The following ZMAT4 variants were observed in gnomAD, a reference collection of about 807,000 sequenced individuals.
ZMAT4 encodes the protein zinc finger matrin-type 4.
ZMAT4 carries 17 observed loss-of-function variants against 28.7 expected under a neutral mutation model. That is an observed-to-expected ratio of 0.59 (90% CI 0.41 to 0.89). The LOEUF (loss-of-function observed/expected upper bound fraction) is 0.89. Among genes scored for constraint, ZMAT4 ranks in the 40% least tolerant of loss-of-function variants. The pLI, the probability that ZMAT4 is intolerant of heterozygous loss-of-function variation, is 0.00. For synonymous variants in ZMAT4, 117 were observed against 109.2 expected, an observed-to-expected ratio of 1.07 and a Z score of -0.44; for missense variants, 240 against 283.8, an observed-to-expected ratio of 0.85 and a Z score of 1.11.
intron 2 of ZMAT4, among the ~76,000 whole-genome samples, chr8:40,778,286 T>C (rs11782131): frequency 0.59 from 89,137 of 152,070 alleles, 27,238 homozygotes; most frequent in Middle Eastern, 0.72. Flanking sequence ...AAAAAATACT[T>C]CTAGGAATAC....
rs149997187 is a variant in ZMAT4, at chr8:40,730,198, C to T, written c.193-32797G>A. Among the ~76,000 whole-genome samples, 31 of 152,232 alleles carry T rather than the reference C, an allele frequency of 2.0e-4. No homozygotes were observed. The East Asian group carries it at 5.8e-3, about 29-fold the overall frequency. ...TTTTTACAGTAAAATTTTTCCCAGT[C>T]CCTTTAAATGTTGGCACCCTAAAAA... is the stretch of plus-strand genomic sequence containing the variant. On this transcript the variant is annotated intron_variant, in intron 3 of 6. Transcript: ENST00000297737.
intron 2 of ZMAT4, among the ~76,000 whole-genome samples, chr8:40,782,380 G>T (rs372988497): frequency 6.6e-6 from 1 of 151,642 alleles, no homozygotes; most frequent in African/African-American, 2.4e-5. Flanking sequence ...GCAAGACTCC[G>T]TCTCGAAAAC....
intron 2 of ZMAT4, among the ~76,000 whole-genome samples, chr8:40,776,934 T>C (rs1813621406): frequency 6.6e-6 from 1 of 152,048 alleles, no homozygotes; most frequent in Non-Finnish European, 1.5e-5. Flanking sequence ...TCTTTTTTTT[T>C]TTTTTGTAAA....
intron 5 of ZMAT4, among the ~76,000 whole-genome samples, chr8:40,630,660 CA>C (rs1171531037): frequency 3.3e-5 from 5 of 152,172 alleles, no homozygotes; most frequent in African/African-American, 1.2e-4. Context: ...TACCATATTA[CA>C]ACAGCATCGC....
intron 1 of ZMAT4, among the ~76,000 whole-genome samples, chr8:40,832,220 A>G (rs116612279): frequency 0.019 from 2,825 of 152,288 alleles, 83 homozygotes; most frequent in African/African-American, 0.065. Context: ...CAGAATTAAT[A>G]TGCTGGGGCC....
At chr8:40,738,665 G>T (rs978186628) in intron 3 of ZMAT4, among the ~76,000 whole-genome samples, 1 of 152,164 alleles carries the variant, frequency 6.6e-6, no homozygotes, top group Non-Finnish European at 1.5e-5. Context: ...GTCCTTGCGC[G>T]AAGAGAGGTA....
chr8:40,758,528 A>G (rs1483186795), intron 3 of ZMAT4, among the ~76,000 whole-genome samples: 1 of 152,234 alleles, frequency 6.6e-6, no homozygotes, highest in Non-Finnish European at 1.5e-5. Context: ...ACCCTTAACC[A>G]TTCCTTCCCT....
chr8:40,570,293 T>A (rs1480817998), intron 6 of ZMAT4, among the ~76,000 whole-genome samples: 1 of 152,170 alleles, frequency 6.6e-6, no homozygotes, highest in African/African-American at 2.4e-5. Context: ...TTCTACATCT[T>A]GATTGGGCTG....
At chr8:40,627,465 G>A (rs913108960) in intron 5 of ZMAT4, among the ~76,000 whole-genome samples, 2 of 152,024 alleles carry the variant, frequency 1.3e-5, no homozygotes, top group Admixed American at 6.6e-5. Flanking sequence ...TACACACACA[G>A]AGAAAATATT....
rs138998282 is a variant in ZMAT4, at chr8:40,561,899, T to C, written c.674+19266A>G. On this transcript the variant is annotated intron_variant, in intron 6 of 6. Transcript: ENST00000297737. ...AAGATTGGACACCCTTGGTAAGGTC[T>C]AATCCCTGTTATAAATCCATGTGTG... Among the ~76,000 whole-genome samples the C allele has an allele frequency of 7.3e-4, 111 of 152,252 alleles. 1 individual carries two copies. The highest frequency in any genetic ancestry group is 2.6e-3 in the African/African-American group (109 of 41,562).
At chr8:40,648,989 A>T (rs1347530895) in intron 5 of ZMAT4, among the ~76,000 whole-genome samples, 2 of 145,390 alleles carry the variant, frequency 1.4e-5, no homozygotes, top group African/African-American at 5.0e-5. Context: ...TGTAAAGACC[A>T]TCGAGACTAG....
At chr8:40,786,864 A>G (rs1814109551) in intron 2 of ZMAT4, 1 of 508,694 alleles carries the variant, frequency 2.0e-6, no homozygotes, top group Non-Finnish European at 3.3e-6. Flanking sequence ...CTAGGCCCAC[A>G]AAGAGTAACT....
At chr8:40,598,191 A>G (rs191168974) in intron 5 of ZMAT4, among the ~76,000 whole-genome samples, 6 of 152,050 alleles carry the variant, frequency 3.9e-5, no homozygotes, top group Non-Finnish European at 8.8e-5. Context: ...GTATATATAT[A>G]TTTTGTTTGT....
At chr8:40,649,662 C>T (rs1436919343) in intron 5 of ZMAT4, among the ~76,000 whole-genome samples, 1 of 151,732 alleles carries the variant, frequency 6.6e-6, no homozygotes, top group Non-Finnish European at 1.5e-5. Context: ...CAAAATTGAC[C>T]ACATACTTGG....
At chr8:40,699,508 T>C (rs929770606) in intron 3 of ZMAT4, among the ~76,000 whole-genome samples, 5 of 152,192 alleles carry the variant, frequency 3.3e-5, no homozygotes, top group Non-Finnish European at 7.3e-5. Context: ...TTCACTCTTA[T>C]GTTTATTGCA....
At chr8:40,657,448 A>T (rs894072090) in intron 5 of ZMAT4, among the ~76,000 whole-genome samples, 6 of 151,382 alleles carry the variant, frequency 4.0e-5, no homozygotes, top group African/African-American at 1.5e-4. Context: ...ACTGATTAAC[A>T]GGCTTTTTTT....
intron 5 of ZMAT4, among the ~76,000 whole-genome samples, chr8:40,608,512 A>AGCAG (rs1340694833): frequency 6.6e-6 from 1 of 152,174 alleles, no homozygotes; most frequent in Non-Finnish European, 1.5e-5. Context: ...CTGCTGAGAA[A>AGCAG]GCAGGTGGGG....
rs562019058 is a variant in ZMAT4, at chr8:40,732,018, G to T, written c.193-34617C>A. 3.0e-4 allele frequency among the ~76,000 whole-genome samples: 46 copies of T among 152,246 alleles called. No individual in the cohort carries two copies. In the South Asian group the frequency reaches 9.5e-3, roughly 32 times the overall value. On this transcript the variant is annotated intron_variant, in intron 3 of 6. Coordinates refer to ENST00000297737, the MANE Select transcript of ZMAT4 (RefSeq NM_024645.3). ...TTCCACTTACATGAGGTACCTACGGGAGTCAGAGACAGGAAGTAGAATGGT... is the reference window on the plus strand; with the variant it reads ...TTCCACTTACATGAGGTACCTACGGTAGTCAGAGACAGGAAGTAGAATGGT...
In ZMAT4 at chr8:40,778,189, C is replaced by A. The variant is rs566931447; in HGVS notation, c.103-10459G>T. 2.0e-5 allele frequency among the ~76,000 whole-genome samples: 3 copies of A among 152,306 alleles called. No individual in the cohort carries two copies. The South Asian group carries it at 6.2e-4, about 32-fold the overall frequency. On this transcript the variant is annotated intron_variant, in intron 2 of 6. Coordinates refer to ENST00000297737, the MANE Select transcript of ZMAT4 (RefSeq NM_024645.3). ...CTGAACAAAGAGATTCTCCATCTCTCATCAAATTATATTTTAAAAGTCAAA... is the reference window on the plus strand; with the variant it reads ...CTGAACAAAGAGATTCTCCATCTCTAATCAAATTATATTTTAAAAGTCAAA...
Sources: gnomAD v4.1 joint callset for allele counts (sites outside exome capture counted in the v4.1 genomes callset) on GRCh38, gnomAD v4.1.1 for gene constraint, MANE v1.5 for transcripts, NCBI Gene and HGNC (gene_info 2026-07-23, HGNC 2026-07-21) for gene names.